The following CDH2 variants were observed in gnomAD, a reference collection of about 807,000 sequenced individuals.
CDH2 encodes the protein cadherin 2.
CDH2 carries 17 observed loss-of-function variants against 92.0 expected under a neutral mutation model. The observed-to-expected ratio is 0.18, with a 90% CI of 0.13 to 0.28. The LOEUF is 0.28. Among genes scored for constraint, CDH2 ranks in the 10% least tolerant of loss-of-function variants. The pLI is 1.00. For missense variants in CDH2, 862 were observed against 1,133.1 expected, an observed-to-expected ratio of 0.76 and a Z score of 3.44; for synonymous variants, 419 against 415.9, an observed-to-expected ratio of 1.01 and a Z score of -0.09.
chr18:28,134,464 C>T (rs1280735595), intron 2 of CDH2, among the ~76,000 whole-genome samples: 2 of 152,232 alleles, frequency 1.3e-5, no homozygotes, highest in African/African-American at 4.8e-5. Flanking sequence ...AATCCCCGCA[C>T]TTGGGGAGGC....
chr18:27,941,655 G>A (rs921516376), intron 6 of CDH2, among the ~76,000 whole-genome samples: 4 of 152,216 alleles, frequency 2.6e-5, no homozygotes, highest in African/African-American at 9.7e-5. Flanking sequence ...AAGGGTTTAA[G>A]AGGAATGATA....
At position 28,000,830 on chromosome 18, in the gene CDH2, C is replaced by T. The variant is rs141942119; in HGVS notation, c.1020+2167G>A. On this transcript the variant is annotated intron_variant, in intron 7 of 15. Transcript: ENST00000269141. ...TAGGAGTTCAATCACTTAAAGGTGT[C>T]ATACATCCTGAGAGCACGAGAACAC... Among the ~76,000 whole-genome samples, 416 of 152,232 alleles carry T rather than the reference C, an allele frequency of 2.7e-3. 1 individual carries two copies. The highest frequency in any genetic ancestry group is 4.4e-3 in the Non-Finnish European group (298 of 68,016).
At chr18:28,113,273 A>G (rs2015441567) in intron 2 of CDH2, among the ~76,000 whole-genome samples, 1 of 152,134 alleles carries the variant, frequency 6.6e-6, no homozygotes, top group African/African-American at 2.4e-5. Flanking sequence ...TATCATTTCA[A>G]TATATAATCA....
At chr18:27,997,834 T>C (rs1235776547) in intron 7 of CDH2, among the ~76,000 whole-genome samples, 8 of 151,718 alleles carry the variant, frequency 5.3e-5, no homozygotes, top group Admixed American at 5.3e-4. Flanking sequence ...TGAGACTGAG[T>C]CTCACTCTGT....
At chr18:28,004,397 A>G (rs141033216) in intron 6 of CDH2, among the ~76,000 whole-genome samples, 251 of 152,368 alleles carry the variant, frequency 1.6e-3, no homozygotes, top group Non-Finnish European at 2.5e-3. Flanking sequence ...CTCAAAATTC[A>G]TCACAAATCT....
chr18:27,947,686 TAA>T (rs774527869), downstream of CDH2, among the ~76,000 whole-genome samples: 49 of 149,872 alleles, frequency 3.3e-4, no homozygotes, highest in Middle Eastern at 3.5e-3. Context: ...ATATGTGATA[TAA>T]GTGTATATGA....
intron 14 of CDH2, among the ~76,000 whole-genome samples, chr18:27,982,674 T>C (rs2012093209): frequency 6.6e-6 from 1 of 152,010 alleles, no homozygotes; most frequent in African/African-American, 2.4e-5. Context: ...AACTGTAAAG[T>C]ATATTTATCA....
chr18:28,009,093 T>C (rs373659649), intron 5 of CDH2, among the ~76,000 whole-genome samples: 20 of 152,084 alleles, frequency 1.3e-4, no homozygotes, highest in African/African-American at 3.6e-4. Context: ...CATCCTGGAG[T>C]AGGGAAGGCC....
chr18:27,934,519 A>T (rs944476412), intron 6 of CDH2, among the ~76,000 whole-genome samples: 1 of 152,174 alleles, frequency 6.6e-6, no homozygotes, highest in Non-Finnish European at 1.5e-5. Flanking sequence ...TCTTGCCCTA[A>T]AGATCAGCTA....
At chr18:28,093,549 T>G (rs1480330315) in intron 2 of CDH2, among the ~76,000 whole-genome samples, 2 of 145,686 alleles carry the variant, frequency 1.4e-5, no homozygotes, top group African/African-American at 5.2e-5. Context: ...TGTCTTTATC[T>G]TTTAAAGTCT....
intron 7 of CDH2, 76 bp from the exon 8 acceptor site, chr18:27,993,713 T>C (rs1567954670): frequency 1.8e-6 from 2 of 1,107,484 alleles, no homozygotes; most frequent in Non-Finnish European, 2.7e-6. Context: ...TGTAAACGGC[T>C]CTTTATAATG....
intron 2 of CDH2, among the ~76,000 whole-genome samples, chr18:28,038,422 AGTGTGTGTGTGTGT>A (rs57601293): frequency 1.9e-4 from 27 of 142,382 alleles, no homozygotes; most frequent in Admixed American, 7.0e-4. Context: ...CCTTGTCTCA[AGTGTGTGTGTGTGT>A]GTGTGTGTGT....
chr18:28,110,296 A>C (rs578137456), intron 2 of CDH2, among the ~76,000 whole-genome samples: 1 of 152,228 alleles, frequency 6.6e-6, no homozygotes, highest in Admixed American at 6.5e-5. Context: ...TGTCAGCCAC[A>C]TGCTTTCACT....
At chr18:28,062,814 A>T (rs1006895972) in intron 2 of CDH2, among the ~76,000 whole-genome samples, 1 of 152,076 alleles carries the variant, frequency 6.6e-6, no homozygotes, top group Admixed American at 6.6e-5. Flanking sequence ...CTCTACCAAA[A>T]CTACAAAAAT....
intron 2 of CDH2, among the ~76,000 whole-genome samples, chr18:28,126,007 A>G (rs1238049218): frequency 6.6e-6 from 1 of 152,224 alleles, no homozygotes; most frequent in Non-Finnish European, 1.5e-5. Flanking sequence ...GGTCAATTGC[A>G]TTATCTAATA....
chr18:28,100,744 A>T (rs1186737958), intron 2 of CDH2, among the ~76,000 whole-genome samples: 1 of 152,216 alleles, frequency 6.6e-6, no homozygotes, highest in East Asian at 1.9e-4. Flanking sequence ...CAAAGTTGGA[A>T]GGAATTTCTA....
intron 14 of CDH2, 29 bp downstream of exon 14, chr18:27,982,915 T>C: frequency 6.7e-7 from 1 of 1,486,126 alleles, no homozygotes; most frequent in Non-Finnish European, 9.1e-7. Flanking sequence ...TCATAAAATT[T>C]ATTTTTAAAG....
At chr18:28,114,683 T>C (rs1353877912) in intron 2 of CDH2, among the ~76,000 whole-genome samples, 2 of 152,120 alleles carry the variant, frequency 1.3e-5, no homozygotes, top group Non-Finnish European at 1.5e-5. Flanking sequence ...AAAGTTGACG[T>C]TGTCTGGACC....
intron 2 of CDH2, among the ~76,000 whole-genome samples, chr18:28,069,844 C>A (rs1242197238): frequency 6.6e-6 from 1 of 152,048 alleles, no homozygotes; most frequent in African/African-American, 2.4e-5. Context: ...GTTGTTTAAA[C>A]TTCCACCCCA....
Sources: allele counts gnomAD v4.1 joint callset (sites outside exome capture counted in the v4.1 genomes callset), GRCh38; gene constraint gnomAD v4.1.1; transcripts MANE v1.5; gene names NCBI Gene and HGNC (gene_info 2026-07-23, HGNC 2026-07-21).